Variants in ERC2 observed in about 807,000 individuals in gnomAD.
The protein encoded by ERC2 is ERC protein 2.
A neutral mutation model predicts 114.8 loss-of-function variants in ERC2; 42 were observed. That is an observed-to-expected ratio of 0.37 (90% CI 0.29 to 0.47). The LOEUF (loss-of-function observed/expected upper bound fraction) is 0.47. Among genes scored for constraint, ERC2 ranks in the 20% least tolerant of loss-of-function variants. ERC2 has a pLI of 0.99. For synonymous variants in ERC2, 454 were observed against 425.5 expected, an observed-to-expected ratio of 1.07 and a Z score of -0.82; for missense variants, 939 against 1,150.7, an observed-to-expected ratio of 0.82 and a Z score of 2.66.
chr3:55,554,939 C>T (rs2055493429), intron 17 of ERC2, among the ~76,000 whole-genome samples: 1 of 152,164 alleles, frequency 6.6e-6, no homozygotes, highest in South Asian at 2.1e-4. Flanking sequence ...GGGCCTTGGG[C>T]TGCCTGTGAG....
chr3:55,511,987 T>C (rs1234830132), intron 17 of ERC2, among the ~76,000 whole-genome samples: 2 of 152,218 alleles, frequency 1.3e-5, no homozygotes, highest in Non-Finnish European at 2.9e-5. Context: ...GCCATTATCA[T>C]TCACATATGG....
At chr3:56,204,302 C>T (rs755254604) in intron 3 of ERC2, among the ~76,000 whole-genome samples, 13 of 152,098 alleles carry the variant, frequency 8.5e-5, no homozygotes, top group Non-Finnish European at 1.8e-4. Flanking sequence ...CATCTCCCAA[C>T]ATGGTGCGTG....
At chr3:56,005,261 G>A (rs1414298684) in intron 10 of ERC2, among the ~76,000 whole-genome samples, 1 of 151,916 alleles carries the variant, frequency 6.6e-6, no homozygotes. Context: ...AACCATATTT[G>A]TTACTTTAAT....
At chr3:55,955,248 T>TTGTGTA (rs879016023) in intron 12 of ERC2, 1 of 339,670 alleles carries the variant, frequency 2.9e-6, no homozygotes, top group African/African-American at 2.2e-5. Flanking sequence ...GGTGGTGTGT[T>TTGTGTA]TGTGTGTGTG....
At chr3:56,384,165 G>A (rs1314244000) in intron 2 of ERC2, among the ~76,000 whole-genome samples, 1 of 152,054 alleles carries the variant, frequency 6.6e-6, no homozygotes, top group East Asian at 1.9e-4. Flanking sequence ...TATGAACATG[G>A]GTGTACAAAT....
At chr3:55,547,243 C>T (rs1041525534) in intron 17 of ERC2, among the ~76,000 whole-genome samples, 1 of 152,198 alleles carries the variant, frequency 6.6e-6, no homozygotes, top group Non-Finnish European at 1.5e-5. Context: ...CTGAATCTCC[C>T]GGGGTGAGGA....
chr3:56,135,391 C>A lies in ERC2; in HGVS notation c.1473+4118G>T, dbSNP rs141687894. Among the ~76,000 whole-genome samples, 33 of 152,202 alleles carry A rather than the reference C, an allele frequency of 2.2e-4. No individual in the cohort carries two copies. In the East Asian group the frequency reaches 6.2e-3, roughly 28 times the overall value. On this transcript the variant is annotated intron_variant, in intron 6 of 17. Coordinates refer to ENST00000288221, the MANE Select transcript of ERC2 (RefSeq NM_015576.3). Reference sequence around the variant, plus strand: ...AGTCCGAGGTCTATAAATGCACATACCAAAAATTCAAAAGAGACCCACAAA... The same window carrying A: ...AGTCCGAGGTCTATAAATGCACATAACAAAAATTCAAAAGAGACCCACAAA...
chr3:55,879,368 A>G (rs2063017614), intron 14 of ERC2, among the ~76,000 whole-genome samples: 1 of 151,196 alleles, frequency 6.6e-6, no homozygotes, highest in African/African-American at 2.4e-5. Context: ...TTGCCTACCA[A>G]CTCTAGCACA....
chr3:56,193,930 T>C (rs1438788663), intron 3 of ERC2, among the ~76,000 whole-genome samples: 1 of 152,120 alleles, frequency 6.6e-6, no homozygotes, highest in Non-Finnish European at 1.5e-5. Flanking sequence ...CTTTATAACT[T>C]TTCTGGTGAG....
chr3:55,618,768 T>C (rs2059219368), intron 17 of ERC2, among the ~76,000 whole-genome samples: 1 of 152,208 alleles, frequency 6.6e-6, no homozygotes. Flanking sequence ...GAAAAATGCA[T>C]TGCCTTTAGA....
intron 14 of ERC2, among the ~76,000 whole-genome samples, chr3:55,750,860 G>T (rs190381579): frequency 6.6e-6 from 1 of 152,186 alleles, no homozygotes; most frequent in African/African-American, 2.4e-5. Flanking sequence ...AACATTATGT[G>T]TAAGTTGTTT....
At chr3:56,311,625 A>C (rs2056586410) in intron 2 of ERC2, among the ~76,000 whole-genome samples, 1 of 152,008 alleles carries the variant, frequency 6.6e-6, no homozygotes, top group South Asian at 2.1e-4. Context: ...TGCTAGAAAC[A>C]TTCAAATTAT....
At chr3:56,267,891 A>G (rs1342810002) in intron 3 of ERC2, among the ~76,000 whole-genome samples, 1 of 152,218 alleles carries the variant, frequency 6.6e-6, no homozygotes, top group African/African-American at 2.4e-5. Context: ...TATAGTTAAT[A>G]ACAATACATA....
intron 12 of ERC2, among the ~76,000 whole-genome samples, chr3:55,952,081 G>A (rs776016428): frequency 2.7e-5 from 4 of 149,158 alleles, no homozygotes; most frequent in Admixed American, 6.7e-5. Flanking sequence ...CAGGAGGATC[G>A]CTTGAGCCCA....
intron 7 of ERC2, among the ~76,000 whole-genome samples, chr3:56,052,491 C>A (rs2149687664): frequency 6.6e-6 from 1 of 152,272 alleles, no homozygotes; most frequent in African/African-American, 2.4e-5. Flanking sequence ...CTACAAATGG[C>A]AGAACTGAAT....
intron 15 of ERC2, among the ~76,000 whole-genome samples, chr3:55,727,970 T>TC (rs1243825964): frequency 6.6e-6 from 1 of 152,282 alleles, no homozygotes; most frequent in East Asian, 1.9e-4. Context: ...GGCCTCATCT[T>TC]CTCTATCAAG....
chr3:55,977,043 C>G lies in ERC2; in HGVS notation c.2267+8934G>C, dbSNP rs183538917. 5.5e-3 allele frequency among the ~76,000 whole-genome samples: 843 copies of G among 152,338 alleles called. 9 individuals carry two copies. Among genetic ancestry groups the G allele is most frequent in the African/African-American group, 0.019 (796 of 41,572 alleles). ...CATGAGTCAGAAAGCAGGCGCTCAC[C>G]AGACACTGAATCTGTTGGTACCTTT... On this transcript the variant is annotated intron_variant, in intron 12 of 17. Coordinates refer to ENST00000288221, the MANE Select transcript of ERC2 (RefSeq NM_015576.3).
At chr3:55,848,546 C>G (rs1244995628) in intron 14 of ERC2, among the ~76,000 whole-genome samples, 2 of 152,204 alleles carry the variant, frequency 1.3e-5, no homozygotes, top group Non-Finnish European at 2.9e-5. Flanking sequence ...ATACTGGCAC[C>G]TCCGCCGTCA....
intron 4 of ERC2, among the ~76,000 whole-genome samples, chr3:56,150,521 T>C (rs1455676099): frequency 6.6e-6 from 1 of 152,108 alleles, no homozygotes. Flanking sequence ...GAAGATGAAA[T>C]AAAAAGATTT....
Sources: gnomAD v4.1 joint callset for allele counts (sites outside exome capture counted in the v4.1 genomes callset) on GRCh38, gnomAD v4.1.1 for gene constraint, MANE v1.5 for transcripts, NCBI Gene and HGNC (gene_info 2026-07-23, HGNC 2026-07-21) for gene names.